IFT52: variants seen among roughly 807,000 people sequenced by gnomAD.
IFT52 encodes the protein intraflagellar transport protein 52 homolog.
In IFT52, 44 loss-of-function variants were observed where a neutral mutation model predicts 54.4. The observed-to-expected ratio is 0.81, with a 90% CI of 0.63 to 1.04. The LOEUF (loss-of-function observed/expected upper bound fraction) is 1.04, where lower values mean the gene tolerates loss of function less well. IFT52 is among the 50% of genes least tolerant of loss of function. The pLI, the probability that IFT52 is intolerant of heterozygous loss-of-function variation, is 0.00. For synonymous variants in IFT52, 181 were observed against 185.3 expected (o/e 0.98, Z 0.19); for missense variants, 452 against 523.6 (o/e 0.86, Z 1.33).
chr20:43,624,071 A>T, intron 10 of IFT52, 26 bp downstream of exon 10: 4 of 1,611,008 alleles, frequency 2.5e-6, no homozygotes, highest in Non-Finnish European at 3.4e-6. Context: ...CCTCTGAGCC[A>T]CACTGCACTC....
intron 6 of IFT52, among the ~76,000 whole-genome samples, chr20:43,609,474 T>C (rs768777329): frequency 6.6e-6 from 1 of 151,890 alleles, no homozygotes; most frequent in Non-Finnish European, 1.5e-5. Context: ...TTTTTAATAT[T>C]AAAAATGAAA....
At chr20:43,609,153 G>A (rs904834758) in intron 6 of IFT52, among the ~76,000 whole-genome samples, 5 of 150,960 alleles carry the variant, frequency 3.3e-5, no homozygotes, top group East Asian at 2.0e-4. Context: ...GAGGCAAGAG[G>A]ATTGCTTGAA....
intron 3 of IFT52, among the ~76,000 whole-genome samples, chr20:43,600,142 CA>C (rs1208029558): frequency 6.6e-6 from 1 of 152,022 alleles, no homozygotes; most frequent in Non-Finnish European, 1.5e-5. Context: ...TTATGTTTGA[CA>C]TTTTGAAATA....
chr20:43,634,807 T>G (rs1985408326), intron 10 of IFT52, among the ~76,000 whole-genome samples: 1 of 152,110 alleles, frequency 6.6e-6, no homozygotes, highest in Non-Finnish European at 1.5e-5. Flanking sequence ...ACCTCCAACC[T>G]TCTATAGGCC....
In IFT52 at chr20:43,609,487, A is replaced by G. The variant is rs191807063; in HGVS notation, c.486-4363A>G. The stretch of plus-strand genomic sequence containing the variant: ...AATTTTTAATATTAAAAATGAAAGC[A>G]TATGCCGGACGCGGTGGCTCACGCC... On this transcript the variant is annotated intron_variant, in intron 6 of 13. Transcript: ENST00000373030. 5.3e-5 allele frequency among the ~76,000 whole-genome samples: 8 copies of G among 152,226 alleles called. No individual in the cohort carries two copies. In the East Asian group the frequency reaches 1.5e-3, roughly 29 times the overall value.
chr20:43,609,319 CAT>C (rs1437481797), intron 6 of IFT52, among the ~76,000 whole-genome samples: 20 of 152,026 alleles, frequency 1.3e-4, no homozygotes, highest in African/African-American at 4.8e-4. Flanking sequence ...AGACCAAAAA[CAT>C]ATATGGAGGG....
intron 10 of IFT52, among the ~76,000 whole-genome samples, chr20:43,629,248 C>G (rs558507388): frequency 1.6e-4 from 25 of 152,250 alleles, no homozygotes; most frequent in Non-Finnish European, 8.8e-5. Flanking sequence ...TCCAAAAGCT[C>G]TGTTGTACGT....
At chr20:43,610,126 A>G (rs1470545871) in intron 6 of IFT52, among the ~76,000 whole-genome samples, 1 of 150,698 alleles carries the variant, frequency 6.6e-6, no homozygotes, top group Non-Finnish European at 1.5e-5. Flanking sequence ...CCCCATCTCT[A>G]CTAAAAAATA....
chr20:43,640,270 G>T (rs1014762717), intron 12 of IFT52, among the ~76,000 whole-genome samples: 1 of 151,826 alleles, frequency 6.6e-6, no homozygotes, highest in Non-Finnish European at 1.5e-5. Flanking sequence ...GCCTGGCCAA[G>T]ATGGTAAAAC....
intron 8 of IFT52, among the ~76,000 whole-genome samples, chr20:43,620,004 C>T (rs1489014166): frequency 2.0e-5 from 3 of 148,960 alleles, no homozygotes; most frequent in Non-Finnish European, 4.4e-5. Flanking sequence ...GCAACCATCG[C>T]CTCACGGGTT....
chr20:43,597,885 T>A lies in IFT52; in HGVS notation c.207+1363T>A, dbSNP rs577284623. Among the ~76,000 whole-genome samples, 58 of 101,770 alleles carry A rather than the reference T, an allele frequency of 5.7e-4. 1 individual carries two copies. The East Asian group carries it at 0.016, about 28-fold the overall frequency. 66.8% of individuals were successfully genotyped at this position (101,770 alleles called of 152,430 possible). On this transcript the variant is annotated intron_variant, in intron 3 of 13. Transcript: ENST00000373030. ...TCCAGCGTTGGCAACAGAGTGAGAC[T>A]CTTTCAAAAAAAAAAAAAAAAAAAA...
intron 13 of IFT52, among the ~76,000 whole-genome samples, chr20:43,642,871 A>G (rs1487687041): frequency 6.6e-6 from 1 of 152,216 alleles, no homozygotes; most frequent in Non-Finnish European, 1.5e-5. Context: ...GTGCTTTGGT[A>G]TAAAAGAAGT....
chr20:43,626,731 A>G (rs1984748000), intron 10 of IFT52, among the ~76,000 whole-genome samples: 1 of 151,858 alleles, frequency 6.6e-6, no homozygotes, highest in African/African-American at 2.4e-5. Flanking sequence ...GTGGATTCTT[A>G]GATTTGATGA....
intron 3 of IFT52, among the ~76,000 whole-genome samples, chr20:43,597,422 A>G: frequency 6.6e-6 from 1 of 151,942 alleles, no homozygotes; most frequent in South Asian, 2.1e-4. Context: ...AAAAGTGTTT[A>G]TTATTCTAGT....
rs1281333033 is a variant in IFT52 at position 43,605,027 on chromosome 20, G to A, written c.439G>A (p.Ala147Thr). 1 of 1,613,618 alleles carries A rather than the reference G, an allele frequency of 6.2e-7. No homozygotes were observed. The highest frequency in any genetic ancestry group is 1.7e-5 in the Admixed American group (1 of 59,934). The change falls in exon 6 of 14, where the codon GCT (alanine) becomes ACT (threonine). Residue 147 changes from alanine to threonine, a missense_variant. Physicochemically the swap from Ala to Thr is moderately conservative, Grantham distance 58. Coordinates refer to ENST00000373030, the MANE Select transcript of IFT52 (RefSeq NM_016004.5). ...NREISRAAGK[A>T]VPGIIDEESS... ...GGAAATTAGCCGAGCTGCAGGAAAGGCTGTGCCTGGGATCATTGATGAGGA... is the reference window on the plus strand; with the variant it reads ...GGAAATTAGCCGAGCTGCAGGAAAGACTGTGCCTGGGATCATTGATGAGGA...
In IFT52 at chr20:43,601,395, A is replaced by G. The variant is rs190073802; in HGVS notation, c.208-2365A>G. Among the ~76,000 whole-genome samples the G allele has an allele frequency of 8.2e-4, 125 of 152,344 alleles. 1 individual carries two copies. The highest frequency in any genetic ancestry group is 2.8e-3 in the African/African-American group (116 of 41,588). ...TTTCTTCCTGTTTTTGCCATAAAGA[A>G]ATAAGAAACCTCCAGTTTGTACCAA... On this transcript the variant is annotated intron_variant, in intron 3 of 13. Transcript: ENST00000373030.
chr20:43,604,006 T>C, intron 4 of IFT52, 117 bp downstream of exon 4: 3 of 937,410 alleles, frequency 3.2e-6, no homozygotes, highest in Non-Finnish European at 5.0e-6. Flanking sequence ...GTGCGTGTTT[T>C]AATGTTCCAT....
chr20:43,613,339 G>A lies in IFT52; in HGVS notation c.486-511G>A, dbSNP rs1224715636. Among the ~76,000 whole-genome samples, 3 of 152,198 alleles carry A rather than the reference G, an allele frequency of 2.0e-5. No individual in the cohort carries two copies. The East Asian group carries it at 5.8e-4, about 29-fold the overall frequency. On this transcript the variant is annotated intron_variant, in intron 6 of 13. Transcript: ENST00000373030. ...CCTCCCTCCATCAGGGGCTTCTTTA[G>A]TTCTCCCAGTTACAGTCACTTACAC...
chr20:43,638,971 G>A (rs1985728853), intron 12 of IFT52, among the ~76,000 whole-genome samples: 1 of 152,174 alleles, frequency 6.6e-6, no homozygotes, highest in Admixed American at 6.5e-5. Context: ...AGGCATTGCT[G>A]TGGGTCCTGG....
Sources: gnomAD v4.1 joint callset for allele counts (sites outside exome capture counted in the v4.1 genomes callset) on GRCh38, gnomAD v4.1.1 for gene constraint, MANE v1.5 for transcripts, NCBI Gene and HGNC (gene_info 2026-07-23, HGNC 2026-07-21) for gene names.